The following CLCN5 variants were observed in gnomAD, a reference collection of about 807,000 sequenced individuals.
CLCN5 encodes the protein H(+)/Cl(-) exchange transporter 5.
CLCN5 carries 17 observed loss-of-function variants against 54.0 expected under a neutral mutation model. The ratio of observed to expected loss-of-function variants is 0.31; its 90% CI spans 0.22 to 0.47. The LOEUF is 0.47. Ranked by LOEUF, CLCN5 falls within the 20% of genes least tolerant of loss-of-function variation. CLCN5 has a pLI of 1.00. For synonymous variants in CLCN5, 222 were observed against 233.0 expected (o/e 0.95, Z 0.43); for missense variants, 448 against 646.7 (o/e 0.69, Z 3.33).
chrX:50,069,435 G>T lies in CLCN5; in HGVS notation c.164-444G>T, dbSNP rs1254558403. ...AAGAGGCCCACATGCTTTATTTGGA[G>T]TCCCCAGCCAGGCAAAAACCACTTC... On this transcript the variant is annotated intron_variant, in intron 4 of 14. Coordinates refer to ENST00000376091, the MANE Select transcript of CLCN5 (RefSeq NM_001127898.4). The T allele has an allele frequency of 5.7e-6, 4 of 696,101 alleles. No individual in the cohort carries two copies. The African/African-American group carries it at 9.5e-5, about 17-fold the overall frequency. 57.4% of individuals were successfully genotyped at this position (696,101 alleles called of 1,213,427 possible).
intron 9 of CLCN5, among the ~76,000 whole-genome samples, chrX:50,084,232 A>T (rs782634162): frequency 8.9e-6 from 1 of 112,332 alleles, no homozygotes; most frequent in Non-Finnish European, 1.9e-5. Flanking sequence ...TTGTAACACA[A>T]TGGTAAATAT....
chrX:49,990,975 T>C (rs1454002064), intron 3 of CLCN5, among the ~76,000 whole-genome samples: 18 of 112,796 alleles, frequency 1.6e-4, no homozygotes, highest in African/African-American at 4.8e-4. Flanking sequence ...GCATTTGGGC[T>C]GGTTCCATAT....
intron 4 of CLCN5, among the ~76,000 whole-genome samples, chrX:50,053,275 G>T (rs1040450649): frequency 9.0e-6 from 1 of 111,599 alleles, no homozygotes; most frequent in Non-Finnish European, 1.9e-5. Flanking sequence ...TTGGTAGTTT[G>T]TGTCTTTCAA....
chrX:49,993,044 G>A (rs1929341162), intron 3 of CLCN5, among the ~76,000 whole-genome samples: 1 of 111,572 alleles, frequency 9.0e-6, no homozygotes, highest in Non-Finnish European at 1.9e-5. Flanking sequence ...GACAAGTTAG[G>A]AAGTGAGACT....
chrX:49,944,845 G>A (rs1683937504), intron 3 of CLCN5, among the ~76,000 whole-genome samples: 1 of 111,311 alleles, frequency 9.0e-6, no homozygotes, highest in Admixed American at 9.6e-5. Context: ...TGCTCATCAG[G>A]GATATTGGTC....
intron 3 of CLCN5, among the ~76,000 whole-genome samples, chrX:49,970,263 T>G (rs1461271419): frequency 8.9e-6 from 1 of 111,884 alleles, no homozygotes; most frequent in African/African-American, 3.2e-5. Flanking sequence ...GCAGCTTTAT[T>G]TAGATATAAT....
At chrX:50,054,232 C>T (rs1032057291) in intron 4 of CLCN5, among the ~76,000 whole-genome samples, 1 of 111,177 alleles carries the variant, frequency 9.0e-6, no homozygotes, top group Admixed American at 9.7e-5. Context: ...CTGCAGCATT[C>T]CCAATGTGTT....
intron 3 of CLCN5, among the ~76,000 whole-genome samples, chrX:49,972,767 A>G (rs1557176419): frequency 1.8e-5 from 2 of 111,871 alleles, no homozygotes; most frequent in Admixed American, 9.5e-5. Context: ...GCAATTTAAG[A>G]TCATATAATT....
intron 3 of CLCN5, among the ~76,000 whole-genome samples, chrX:49,933,439 G>T (rs1557169151): frequency 9.0e-6 from 1 of 111,695 alleles, no homozygotes; most frequent in African/African-American, 3.3e-5. Flanking sequence ...ACACAGTTGT[G>T]GAGGGAGCAC....
At chrX:49,996,323 G>T (rs1340139548) in intron 3 of CLCN5, among the ~76,000 whole-genome samples, 1 of 111,636 alleles carries the variant, frequency 9.0e-6, no homozygotes, top group Non-Finnish European at 1.9e-5. Flanking sequence ...CCTCTACTCA[G>T]CCTAGTTCAG....
chrX:49,983,734 G>C (rs185167169), intron 3 of CLCN5, among the ~76,000 whole-genome samples: 1 of 108,606 alleles, frequency 9.2e-6, no homozygotes, highest in Non-Finnish European at 1.9e-5. Flanking sequence ...TTTGGTGGTT[G>C]CTGCTGTGGT....
chrX:50,037,583 C>G (rs782573030), intron 3 of CLCN5, among the ~76,000 whole-genome samples: 2 of 111,383 alleles, frequency 1.8e-5, no homozygotes, highest in African/African-American at 6.5e-5. Context: ...TGTGAGTCAA[C>G]CTGACAGGTA....
At chrX:49,993,270 T>C (rs1338483304) in intron 3 of CLCN5, among the ~76,000 whole-genome samples, 1 of 112,158 alleles carries the variant, frequency 8.9e-6, no homozygotes, top group Admixed American at 9.4e-5. Flanking sequence ...GGGCTTTGTT[T>C]AAACCTGAAT....
At chrX:50,055,594 G>A (rs1557188843) in intron 4 of CLCN5, among the ~76,000 whole-genome samples, 1 of 112,161 alleles carries the variant, frequency 8.9e-6, no homozygotes, top group Non-Finnish European at 1.9e-5. Flanking sequence ...TCCTGTCTCT[G>A]TTCTTCCAGT....
intron 11 of CLCN5, among the ~76,000 whole-genome samples, chrX:50,088,248 C>T (rs953036869): frequency 3.6e-5 from 4 of 112,055 alleles, no homozygotes; most frequent in African/African-American, 1.3e-4. Context: ...ATAATGCCTG[C>T]CTCCTGGGGT....
At chrX:50,030,145 C>T (rs1931622983) in intron 3 of CLCN5, among the ~76,000 whole-genome samples, 2 of 111,720 alleles carry the variant, frequency 1.8e-5, no homozygotes, top group African/African-American at 3.2e-5. Context: ...AAAGATGCCA[C>T]GGGGACTTTA....
In CLCN5 at chrX:49,964,075, A is replaced by G. The variant is rs781797113; in HGVS notation, c.16+38761A>G. Among the ~76,000 whole-genome samples, 4 of 112,346 alleles carry G rather than the reference A, an allele frequency of 3.6e-5. No homozygotes were observed. The South Asian group carries it at 1.1e-3, about 31-fold the overall frequency. ...AGCAACCATTTATTGAGCACCAACA[A>G]TGTGCCAGAAAATGTCAAACGATGT... On this transcript the variant is annotated intron_variant, in intron 3 of 14. Coordinates refer to ENST00000376091, the MANE Select transcript of CLCN5 (RefSeq NM_001127898.4).
chrX:50,086,721 C>T lies in CLCN5; in HGVS notation c.1408C>T (p.Leu470Phe), dbSNP rs1285536666. The change falls in exon 11 of 15, where the codon CTC becomes TTC. Residue 470 changes from leucine (L) to phenylalanine (F), a missense_variant. Transcript: ENST00000376091. ...NDCGLLDSSK[L>F]CDYENRFNTS... ...CTGTGGCCTTCTGGACTCCTCCAAGCTCTGTGATTATGAGAACCGTTTCAA... is the reference window on the plus strand; with the variant it reads ...CTGTGGCCTTCTGGACTCCTCCAAGTTCTGTGATTATGAGAACCGTTTCAA... 8.3e-7 allele frequency: 1 copy of T among 1,211,410 alleles called. No individual in the cohort carries two copies. Among genetic ancestry groups the T allele is most frequent in the Non-Finnish European group, 1.1e-6 (1 of 895,535 alleles).
At position 50,080,665 on chromosome X, in the gene CLCN5, A is replaced by G; in HGVS notation, c.675A>G (p.Val225=). Reference sequence around the variant, plus strand: ...CTCTCCTATTTGCCTTCCTTGCCGTATCTCTTGTCAAGGTGTTTGCGCCTT... The same window carrying G: ...CTCTCCTATTTGCCTTCCTTGCCGTGTCTCTTGTCAAGGTGTTTGCGCCTT... ...LWALLFAFLA[V]SLVKVFAPYA... The change falls in exon 8 of 15, where the codon GTA becomes GTG. Residue 225 remains valine, a synonymous_variant. Coordinates refer to ENST00000376091, the MANE Select transcript of CLCN5 (RefSeq NM_001127898.4). The G allele has an allele frequency of 8.3e-7, 1 of 1,203,217 alleles. No homozygotes were observed. Among genetic ancestry groups the G allele is most frequent in the Admixed American group, 2.2e-5 (1 of 45,995 alleles).
Sources: allele counts gnomAD v4.1 joint callset (sites outside exome capture counted in the v4.1 genomes callset), GRCh38; gene constraint gnomAD v4.1.1; transcripts MANE v1.5; gene names NCBI Gene and HGNC (gene_info 2026-07-23, HGNC 2026-07-21).